The following TUBB8 variants were observed in gnomAD, a reference collection of about 807,000 sequenced individuals.
The protein encoded by TUBB8 is tubulin beta 8 class VIII.
Under a neutral mutation model 33.7 loss-of-function variants are expected in TUBB8, and 25 were observed. That is an observed-to-expected ratio of 0.74 (90% CI 0.54 to 1.04). The LOEUF is 1.04. Among genes scored for constraint, TUBB8 ranks in the 50% least tolerant of loss-of-function variants. TUBB8 has a pLI of 0.00. For synonymous variants in TUBB8, 245 were observed against 240.1 expected (o/e 1.02, Z -0.19); for missense variants, 279 against 608.0 (o/e 0.46, Z 5.69).
At chr10:51,131 G>GTTTATTTA (rs1223405061), upstream of TUBB8, among the ~76,000 whole-genome samples, 1 of 152,124 alleles carries the variant, frequency 6.6e-6, no homozygotes, top group Non-Finnish European at 1.5e-5. Context: ...AGATCTGATG[G>GTTTATTTA]TTTATTTATT....
At chr10:74,246 A>G (rs1834779482), upstream of TUBB8, 1 of 151,420 alleles carries the variant, frequency 6.6e-6, no homozygotes, top group Non-Finnish European at 1.5e-5. Flanking sequence ...ATCTCTGGAA[A>G]TCAGCGTCTG....
rs1564203883 is a variant in TUBB8, at chr10:47,714, G to A, written c.678C>T (p.Asn226=). The A allele has an allele frequency of 6.2e-7, 1 of 1,612,774 alleles. No homozygotes were observed. The change falls in exon 4 of 4, where the codon AAC becomes AAT. Residue 226 remains asparagine, a synonymous_variant. Coordinates refer to ENST00000568584, the MANE Select transcript of TUBB8 (RefSeq NM_177987.3). ...CACTCATGGTAGCAGACACCAGGTG[G>A]TTCAGGTCACCATAGGTGGGTGTGG... The part of the protein sequence containing the change: ...KLPTPTYGDL[N]HLVSATMSGV...
intron 1 of TUBB8, among the ~76,000 whole-genome samples, chr10:62,290 C>A (rs1206073413): frequency 6.6e-6 from 1 of 152,222 alleles, no homozygotes; most frequent in African/African-American, 2.4e-5. Context: ...TATCATGAGG[C>A]TTGAATATAA....
chr10:46,995 G>A lies in TUBB8; in HGVS notation c.*62C>T. 3 of 627,052 alleles carry A rather than the reference G, an allele frequency of 4.8e-6. No individual in the cohort carries two copies. The highest frequency in any genetic ancestry group is 2.7e-5 in the East Asian group (1 of 36,904). The allele number at this position is 627,052 out of a possible 1,614,324, so 38.8% of individuals were successfully genotyped here. A position where few individuals can be genotyped will look rare whatever the true frequency, so the allele number is the denominator to read the frequency against. The stretch of plus-strand genomic sequence containing the variant: ...AATTAACAAGCGTATAGTGACACAT[G>A]GCTGTCAGAACACAGTAAAGAATCC... On this transcript the variant is annotated 3_prime_UTR_variant, in exon 4 of 4. Transcript: ENST00000568584.
upstream of TUBB8, chr10:49,713 C>T (rs1447943956): frequency 9.7e-5 from 38 of 389,950 alleles, no homozygotes; most frequent in Non-Finnish European, 1.7e-4. Flanking sequence ...CAACAGGACT[C>T]AATTATACGT....
chr10:69,695 G>T (rs531769924), intron 1 of TUBB8, among the ~76,000 whole-genome samples: 20 of 152,200 alleles, frequency 1.3e-4, no homozygotes, highest in Non-Finnish European at 2.6e-4. Context: ...GGGGATCTGA[G>T]GCCAGCCTGG....
chr10:70,028 A>T (rs1237672583), intron 1 of TUBB8, among the ~76,000 whole-genome samples: 1 of 152,162 alleles, frequency 6.6e-6, no homozygotes, highest in Admixed American at 6.6e-5. Flanking sequence ...CCTAAATAAA[A>T]GCTTTGTCTG....
chr10:72,254 TAA>T (rs34999592), intron 1 of TUBB8, among the ~76,000 whole-genome samples: 18 of 125,228 alleles, frequency 1.4e-4, no homozygotes, highest in African/African-American at 1.8e-4. Flanking sequence ...TTTTTTTAAT[TAA>T]AAAAAAAAAA....
At chr10:74,159 G>C (rs1297432485) in exon 1 of TUBB8, 1 of 146,678 alleles carries the variant, frequency 6.8e-6, no homozygotes, top group Non-Finnish European at 1.5e-5. Flanking sequence ...GCCGCCGTGC[G>C]GTTCGGACAC....
At chr10:48,390 G>C (rs1554738710) in intron 3 of TUBB8, 1 of 638,172 alleles carries the variant, frequency 1.6e-6, no homozygotes, top group East Asian at 2.7e-5. Context: ...CCCAGCTCAG[G>C]TTCTTGCAGG....
chr10:48,814 G>A lies in TUBB8; in HGVS notation c.156C>T (p.Asn52=), dbSNP rs782209980. 44 of 1,610,760 alleles carry A rather than the reference G, an allele frequency of 2.7e-5. No homozygotes were observed. The Admixed American group carries it at 3.7e-4, about 14-fold the overall frequency. ...LQLERINVYY[N]EASGGRYVPR... is the part of the protein sequence containing the mutation. ...GGACGGGGGTCTCACCGCTGGCCTC[G>A]TTGTAGTACACGTTGATGCGCTCCA... is the stretch of plus-strand genomic sequence containing the variant. The change falls in exon 2 of 4, where the codon AAC becomes AAT. Residue 52 remains asparagine, a synonymous_variant. Transcript: ENST00000568584.
rs144154384 is a variant in TUBB8 at position 47,903 on chromosome 10, G to A, written c.489C>T (p.Ile163=). 8.4e-4 allele frequency: 1,353 copies of A among 1,613,658 alleles called. 3 individuals carry two copies. In the African/African-American group the frequency reaches 0.016, roughly 19 times the overall value. ...SKIREEYPDR[I]INTFSILPSP... ...AGGGCAGGATGCTGAATGTGTTTATGATCCTGTCTGGGTACTCCTCCCGGA... is the reference window on the plus strand; with the variant it reads ...AGGGCAGGATGCTGAATGTGTTTATAATCCTGTCTGGGTACTCCTCCCGGA... The change falls in exon 4 of 4, where the codon ATC becomes ATT. Residue 163 remains isoleucine, a synonymous_variant. Coordinates refer to ENST00000568584, the MANE Select transcript of TUBB8 (RefSeq NM_177987.3).
At chr10:50,563 C>A (rs374136239), upstream of TUBB8, among the ~76,000 whole-genome samples, 1 of 151,466 alleles carries the variant, frequency 6.6e-6, no homozygotes. Flanking sequence ...ATTAATTATA[C>A]TCACTTTTTG....
chr10:74,117 ACCCCCCGTCCTC>A (rs1564214496), exon 1 of TUBB8: 42 of 146,212 alleles, frequency 2.9e-4, no homozygotes, highest in African/African-American at 1.0e-3. Context: ...CTCACAGTGG[ACCCCCCGTCCTC>A]ACAGTGGACC....
upstream of TUBB8, among the ~76,000 whole-genome samples, chr10:50,905 G>T (rs1834459515): frequency 2.0e-5 from 3 of 152,078 alleles, no homozygotes. Flanking sequence ...CTCTTCCTTG[G>T]GATGGTCCAG....
rs1261746388 is a variant in TUBB8, at chr10:68,061, G to A, written c.-846+5908C>T. Among the ~76,000 whole-genome samples the A allele has an allele frequency of 2.0e-5, 3 of 152,250 alleles. No individual in the cohort carries two copies. In the East Asian group the frequency reaches 5.8e-4, roughly 29 times the overall value. On this transcript the variant is annotated intron_variant, in intron 1 of 3. Coordinates refer to the TUBB8 transcript ENST00000564130. ...AATACTGTGATGGTTAATTTTAGGT[G>A]TCAACTTTACCAGATTAAGGAATAC...
intron 1 of TUBB8, among the ~76,000 whole-genome samples, chr10:61,731 C>T (rs1834604520): frequency 6.6e-6 from 1 of 152,166 alleles, no homozygotes; most frequent in African/African-American, 2.4e-5. Flanking sequence ...ATTGATGTCT[C>T]TTTCTTTAGC....
upstream of TUBB8, among the ~76,000 whole-genome samples, chr10:53,362 A>C (rs1424687253): frequency 1.3e-5 from 2 of 152,190 alleles, no homozygotes; most frequent in Non-Finnish European, 2.9e-5. Context: ...CCCTGACAAC[A>C]AGTGATCTGC....
At chr10:61,391 TA>T (rs1252707177) in intron 1 of TUBB8, among the ~76,000 whole-genome samples, 24 of 152,356 alleles carry the variant, frequency 1.6e-4, no homozygotes, top group Non-Finnish European at 2.6e-4. Context: ...GCATATTGTT[TA>T]ATGTCCAAGT....
Sources: gnomAD v4.1 joint callset for allele counts (sites outside exome capture counted in the v4.1 genomes callset) on GRCh38, gnomAD v4.1.1 for gene constraint, MANE v1.5 for transcripts, NCBI Gene and HGNC (gene_info 2026-07-23, HGNC 2026-07-21) for gene names.